Variants in IRAK2 observed in about 807,000 individuals in gnomAD.
IRAK2 encodes interleukin 1 receptor associated kinase 2.
In IRAK2, 57 loss-of-function variants were observed where a neutral mutation model predicts 72.0. The observed-to-expected ratio is 0.79, with a 90% CI of 0.64 to 0.99. The LOEUF is 0.99. Among genes scored for constraint, IRAK2 ranks in the 50% least tolerant of loss-of-function variants. The probability of loss-of-function intolerance (pLI) is 0.00; values close to 1 mark genes in which losing one functional copy is unlikely to be tolerated. For missense variants in IRAK2, 790 were observed against 794.4 expected (o/e 0.99, Z 0.07); for synonymous variants, 293 against 312.7 (o/e 0.94, Z 0.67).
At chr3:10,211,905 A>C (rs769008333) in intron 4 of IRAK2, among the ~76,000 whole-genome samples, 2 of 151,924 alleles carry the variant, frequency 1.3e-5, no homozygotes, top group Admixed American at 1.3e-4. Flanking sequence ...GTGAGGCCTC[A>C]TCTCTACTAA....
intron 7 of IRAK2, 109 bp downstream of exon 7, chr3:10,217,157 G>T: frequency 1.4e-6 from 1 of 737,140 alleles, no homozygotes; most frequent in East Asian, 2.5e-5. Flanking sequence ...ATCTAGGTGA[G>T]ACCAGGGAGA....
intron 2 of IRAK2, among the ~76,000 whole-genome samples, chr3:10,191,294 C>CAA (rs60436432): frequency 0.07 from 10,113 of 143,650 alleles, 678 homozygotes; most frequent in African/African-American, 0.17. Context: ...GAATCTGTCT[C>CAA]AAAAAAAAAA....
chr3:10,216,995 T>C lies in IRAK2; in HGVS notation c.850T>C (p.Phe284Leu). Residue 284 changes from phenylalanine to leucine, a missense_variant, in exon 7 of 13, where the codon TTC (phenylalanine) becomes CTC (leucine). Physicochemically the swap from Phe to Leu is conservative, Grantham distance 22. Coordinates refer to ENST00000256458, the MANE Select transcript of IRAK2 (RefSeq NM_001570.4). ...GFCAARQFHS[F>L]IYPYMANGSL... The stretch of plus-strand genomic sequence containing the variant: ...CTGTGCTGCAAGACAGTTTCACAGC[T>C]TCATCTACCCCTACATGGCAAATGG... The C allele has an allele frequency of 6.2e-7, 1 of 1,614,172 alleles. No homozygotes were observed.
chr3:10,175,628 G>A (rs542619067), intron 1 of IRAK2, among the ~76,000 whole-genome samples: 69 of 152,094 alleles, frequency 4.5e-4, no homozygotes, highest in African/African-American at 1.4e-3. Context: ...GGTGGCTCAC[G>A]CCTGTAATCC....
In IRAK2 at chr3:10,169,852, A is replaced by G. The variant is rs150935973; in HGVS notation, c.94+4804A>G. Among the ~76,000 whole-genome samples the G allele has an allele frequency of 2.0e-5, 3 of 152,384 alleles. No individual in the cohort carries two copies. In the East Asian group the frequency reaches 5.8e-4, roughly 29 times the overall value. On this transcript the variant is annotated intron_variant, in intron 1 of 12. Transcript: ENST00000256458. ...GGAAATTATAAGAGTATAAATGTCC[A>G]TAAAATCTTCACAATTTATGTTCAG...
At position 10,209,653 on chromosome 3, in the gene IRAK2, T is replaced by C; in HGVS notation, c.489T>C (p.His163=). 6.4e-7 allele frequency: 1 copy of C among 1,568,428 alleles called. No homozygotes were observed. Among genetic ancestry groups the C allele is most frequent in the Non-Finnish European group, 8.6e-7 (1 of 1,159,376 alleles). ...FLQPPEEDAP[H]SLRSDLPTSS... The stretch of plus-strand genomic sequence containing the variant: ...AGCCTCCTGAAGAAGATGCCCCTCA[T>C]TCCTTGAGAAGCGACCTCCCCACTT... Residue 163 remains histidine, a synonymous_variant, in exon 4 of 13, where the codon CAT becomes CAC. Coordinates refer to ENST00000256458, the MANE Select transcript of IRAK2 (RefSeq NM_001570.4).
At chr3:10,214,750 G>T (rs1051257330) in intron 6 of IRAK2, among the ~76,000 whole-genome samples, 3 of 151,934 alleles carry the variant, frequency 2.0e-5, no homozygotes, top group African/African-American at 7.3e-5. Flanking sequence ...TTTGAGACCA[G>T]CTTGGGCAAC....
intron 1 of IRAK2, among the ~76,000 whole-genome samples, chr3:10,175,026 G>A (rs920068017): frequency 1.3e-5 from 2 of 151,970 alleles, no homozygotes; most frequent in Non-Finnish European, 2.9e-5. Context: ...GGGAGGCCAA[G>A]GCTGTGGTGA....
At chr3:10,170,810 C>T (rs708030) in intron 1 of IRAK2, among the ~76,000 whole-genome samples, 82,646 of 152,096 alleles carry the variant, frequency 0.54, 23,435 homozygotes, top group African/African-American at 0.68. Flanking sequence ...ACTTCCTACA[C>T]TGGATCAGAG....
rs1176377574 is a variant in IRAK2 at position 10,243,103 on chromosome 3, C to T, written c.*875C>T. 2.0e-5 allele frequency: 3 copies of T among 152,282 alleles called. No individual in the cohort carries two copies. The highest frequency in any genetic ancestry group is 4.4e-5 in the Non-Finnish European group (3 of 68,146). 9.4% of individuals were successfully genotyped at this position (152,282 alleles called of 1,614,324 possible). A position where few individuals can be genotyped will look rare whatever the true frequency, so the allele number is the denominator to read the frequency against. On this transcript the variant is annotated 3_prime_UTR_variant, in exon 13 of 13. Transcript: ENST00000256458. ...AGGCTGGAGTGCAGTGGCACGATCT[C>T]AGCTCACTGCAAGCTCTGCCTCTCA...
At chr3:10,242,004 TG>T in intron 12 of IRAK2, 111 bp from the exon 13 acceptor site, 1 of 504,362 alleles carries the variant, frequency 2.0e-6, no homozygotes, top group South Asian at 3.1e-5. Context: ...AAAAAAGAAA[TG>T]CTCATTACAC....
At chr3:10,213,183 C>T in intron 4 of IRAK2, 24 bp from the exon 5 acceptor site, 1 of 1,600,028 alleles carries the variant, frequency 6.2e-7, no homozygotes, top group African/African-American at 1.3e-5. Context: ...TAGTAATCTC[C>T]ATCTCTTCTC....
At chr3:10,221,447 G>C (rs1161335190) in intron 8 of IRAK2, among the ~76,000 whole-genome samples, 1 of 150,698 alleles carries the variant, frequency 6.6e-6, no homozygotes, top group Non-Finnish European at 1.5e-5. Context: ...TAGAGATAGG[G>C]TTTCACTGTG....
At chr3:10,167,841 C>T (rs1016960741) in intron 1 of IRAK2, among the ~76,000 whole-genome samples, 1 of 152,324 alleles carries the variant, frequency 6.6e-6, no homozygotes, top group African/African-American at 2.4e-5. Flanking sequence ...TGTGAACACT[C>T]ACATACAAGA....
intron 3 of IRAK2, among the ~76,000 whole-genome samples, chr3:10,205,976 T>C (rs936195941): frequency 6.6e-6 from 1 of 152,084 alleles, no homozygotes; most frequent in Non-Finnish European, 1.5e-5. Flanking sequence ...ACGGGGGCCC[T>C]GTGCTGGCCA....
intron 2 of IRAK2, among the ~76,000 whole-genome samples, chr3:10,180,467 A>G (rs1257850774): frequency 6.6e-6 from 1 of 152,126 alleles, no homozygotes; most frequent in Non-Finnish European, 1.5e-5. Context: ...TGAGGATGTG[A>G]ACCTAGAGGA....
intron 6 of IRAK2, among the ~76,000 whole-genome samples, chr3:10,216,667 C>G (rs1259167360): frequency 6.6e-6 from 1 of 152,136 alleles, no homozygotes; most frequent in Non-Finnish European, 1.5e-5. Flanking sequence ...GTCCCTTAAC[C>G]TCTCAGTCTC....
In IRAK2 at chr3:10,185,558, C is replaced by CAAAA. The variant is rs770606601; in HGVS notation, c.277+7556_277+7559dup. ...GGGCAACAAGAGTGAAACTCCGTCTCAAAAAAAAAAAAAAAAAAAAAGAAC... is the reference window on the plus strand; with the variant it reads ...GGGCAACAAGAGTGAAACTCCGTCTCAAAAAAAAAAAAAAAAAAAAAAAAAGAAC... On this transcript the variant is annotated intron_variant, in intron 2 of 12. Coordinates refer to ENST00000256458, the MANE Select transcript of IRAK2 (RefSeq NM_001570.4). Among the ~76,000 whole-genome samples the CAAAA allele has an allele frequency of 3.0e-3, 207 of 70,010 alleles. 3 individuals are homozygous for CAAAA. The highest frequency in any genetic ancestry group is 0.012 in the African/African-American group (188 of 16,148). The allele number at this position is 70,010 out of a possible 152,430, so 45.9% of individuals were successfully genotyped here.
chr3:10,181,547 G>A (rs1696959959), intron 2 of IRAK2, among the ~76,000 whole-genome samples: 1 of 151,934 alleles, frequency 6.6e-6, no homozygotes, highest in East Asian at 1.9e-4. Flanking sequence ...TTGCAGTGAG[G>A]GGAGATTGCA....
Sources: gnomAD v4.1 joint callset for allele counts (sites outside exome capture counted in the v4.1 genomes callset) on GRCh38, gnomAD v4.1.1 for gene constraint, MANE v1.5 for transcripts, NCBI Gene and HGNC (gene_info 2026-07-23, HGNC 2026-07-21) for gene names.